Variants in CAMK1D observed in about 807,000 individuals in gnomAD.
CAMK1D encodes calcium/calmodulin-dependent protein kinase type 1D.
A neutral mutation model predicts 47.7 loss-of-function variants in CAMK1D; 9 were observed. The ratio of observed to expected loss-of-function variants is 0.19; its 90% CI spans 0.11 to 0.33. The LOEUF (loss-of-function observed/expected upper bound fraction) is 0.33, where lower values mean the gene tolerates loss of function less well. CAMK1D is among the 10% of genes least tolerant of loss of function. CAMK1D has a pLI of 1.00. For synonymous variants in CAMK1D, 184 were observed against 184.9 expected (o/e 0.99, Z 0.04); for missense variants, 291 against 488.7 (o/e 0.60, Z 3.81).
intron 2 of CAMK1D, among the ~76,000 whole-genome samples, chr10:12,587,548 TAAA>T (rs5783279): frequency 7.1e-4 from 99 of 138,564 alleles, no homozygotes; most frequent in East Asian, 2.1e-3. Context: ...CAGACATCAT[TAAA>T]AAAAAAAAAA....
intron 2 of CAMK1D, among the ~76,000 whole-genome samples, chr10:12,637,855 G>A (rs918750868): frequency 2.0e-5 from 3 of 152,054 alleles, no homozygotes; most frequent in African/African-American, 7.3e-5. Flanking sequence ...CTCTAGTTTG[G>A]CATGCAAATG....
chr10:12,570,178 C>T (rs371226902), intron 2 of CAMK1D, among the ~76,000 whole-genome samples: 58 of 151,742 alleles, frequency 3.8e-4, no homozygotes, highest in African/African-American at 1.2e-3. Context: ...CCAGCCTGGG[C>T]GACAGAGTGA....
chr10:12,802,080 T>C (rs1054623842), intron 6 of CAMK1D, among the ~76,000 whole-genome samples: 5 of 152,244 alleles, frequency 3.3e-5, no homozygotes, highest in Non-Finnish European at 1.5e-5. Flanking sequence ...TGCCATTAAC[T>C]AATGATTATT....
At chr10:12,618,613 T>C (rs1431552799) in intron 2 of CAMK1D, among the ~76,000 whole-genome samples, 1 of 152,248 alleles carries the variant, frequency 6.6e-6, no homozygotes, top group Non-Finnish European at 1.5e-5. Context: ...CAGGTAATAC[T>C]TAATTTCATT....
rs369853618 is a variant in CAMK1D, at chr10:12,492,526, G to A, written c.93-60699G>A. 4.1e-4 allele frequency among the ~76,000 whole-genome samples: 63 copies of A among 152,230 alleles called. No homozygotes were observed. The South Asian group carries it at 0.013, about 31-fold the overall frequency. ...TACAAAAAATTAGCTAGATGCAGTG[G>A]CACACACCTGTAATCCCAGCTACTT... On this transcript the variant is annotated intron_variant, in intron 1 of 10. Coordinates refer to ENST00000619168, the MANE Select transcript of CAMK1D (RefSeq NM_153498.4).
intron 2 of CAMK1D, among the ~76,000 whole-genome samples, chr10:12,585,633 G>T (rs1837794182): frequency 6.6e-6 from 1 of 152,152 alleles, no homozygotes; most frequent in African/African-American, 2.4e-5. Context: ...AGTGAAAGGG[G>T]TTTCCTTTTA....
chr10:12,367,569 C>G (rs906653266), intron 1 of CAMK1D, among the ~76,000 whole-genome samples: 3 of 152,012 alleles, frequency 2.0e-5, no homozygotes, highest in African/African-American at 7.2e-5. Context: ...GTGCGAGGCC[C>G]TGTGCTTGTT....
At chr10:12,427,939 C>T (rs543096504) in intron 1 of CAMK1D, among the ~76,000 whole-genome samples, 116 of 151,630 alleles carry the variant, frequency 7.7e-4, no homozygotes, top group African/African-American at 2.8e-3. Flanking sequence ...ATCTCCTGAC[C>T]TTGTGATCCT....
At chr10:12,491,149 A>ATG (rs3062692) in intron 1 of CAMK1D, among the ~76,000 whole-genome samples, 21,150 of 150,474 alleles carry the variant, frequency 0.14, 1,705 homozygotes, top group Non-Finnish European at 0.19. Context: ...GTATGAGAGT[A>ATG]TGTGTGTGTG....
At chr10:12,401,632 G>C (rs555442216) in intron 1 of CAMK1D, among the ~76,000 whole-genome samples, 5 of 151,698 alleles carry the variant, frequency 3.3e-5, no homozygotes, top group Middle Eastern at 6.8e-3. Flanking sequence ...GGGCCGTCAG[G>C]GTGCCTCAGT....
intron 2 of CAMK1D, among the ~76,000 whole-genome samples, chr10:12,612,891 T>A (rs2132415802): frequency 6.6e-6 from 1 of 152,320 alleles, no homozygotes; most frequent in Admixed American, 6.5e-5. Flanking sequence ...TGGCACGTGG[T>A]CTTGTAAAGC....
intron 3 of CAMK1D, among the ~76,000 whole-genome samples, chr10:12,700,463 C>T (rs966288406): frequency 6.6e-6 from 1 of 152,122 alleles, no homozygotes; most frequent in African/African-American, 2.4e-5. Context: ...CAACTACCGC[C>T]CACTGGGCCC....
chr10:12,438,712 C>T (rs967725892), intron 1 of CAMK1D, among the ~76,000 whole-genome samples: 2 of 152,218 alleles, frequency 1.3e-5, no homozygotes, highest in Non-Finnish European at 2.9e-5. Context: ...ACTTAGAATT[C>T]TCACCATGAC....
rs527685137 is a variant in CAMK1D at position 12,739,809 on chromosome 10, G to A, written c.300-21139G>A. Among the ~76,000 whole-genome samples the A allele has an allele frequency of 2.0e-3, 309 of 152,142 alleles. 1 individual carries two copies. The highest frequency in any genetic ancestry group is 3.7e-3 in the Non-Finnish European group (250 of 68,006). On this transcript the variant is annotated intron_variant, in intron 3 of 10. Transcript: ENST00000619168. ...TATGGTGCTCTCTCGGTCTTGGTTC[G>A]TTACAGCTCAGCTACCGACCCATCG...
At chr10:12,777,625 C>T (rs1340471065) in intron 5 of CAMK1D, among the ~76,000 whole-genome samples, 3 of 152,130 alleles carry the variant, frequency 2.0e-5, no homozygotes, top group Admixed American at 6.6e-5. Context: ...CCACCTGTCT[C>T]GGCCTCCCAG....
chr10:12,478,699 C>T (rs1564363610), intron 1 of CAMK1D, among the ~76,000 whole-genome samples: 1 of 152,052 alleles, frequency 6.6e-6, no homozygotes, highest in East Asian at 1.9e-4. Context: ...ACTTGGATCA[C>T]AGGTAACCTG....
chr10:12,476,119 C>G (rs574536093), intron 1 of CAMK1D, among the ~76,000 whole-genome samples: 190 of 152,074 alleles, frequency 1.2e-3, no homozygotes, highest in South Asian at 2.5e-3. Flanking sequence ...TGGTGAAACC[C>G]CATCTCTACT....
chr10:12,747,035 G>A (rs1260964570), intron 3 of CAMK1D, among the ~76,000 whole-genome samples: 1 of 145,622 alleles, frequency 6.9e-6, no homozygotes, highest in African/African-American at 2.6e-5. Flanking sequence ...CTTTTTGTTT[G>A]TTTGTTTGTC....
chr10:12,785,063 G>T (rs980752553), intron 5 of CAMK1D, among the ~76,000 whole-genome samples: 2 of 152,194 alleles, frequency 1.3e-5, no homozygotes, highest in Non-Finnish European at 2.9e-5. Context: ...TGTGTCAACT[G>T]AGTACAGCCG....
Sources: allele counts gnomAD v4.1 joint callset (sites outside exome capture counted in the v4.1 genomes callset), GRCh38; gene constraint gnomAD v4.1.1; transcripts MANE v1.5; gene names NCBI Gene and HGNC (gene_info 2026-07-23, HGNC 2026-07-21).